The following PHACTR2 variants were observed in gnomAD, a reference collection of about 807,000 sequenced individuals.
PHACTR2 encodes the protein phosphatase and actin regulator 2.
Under a neutral mutation model 76.0 loss-of-function variants are expected in PHACTR2, and 30 were observed. The observed-to-expected ratio is 0.39, with a 90% CI of 0.30 to 0.54. PHACTR2 has a LOEUF of 0.54. Among genes scored for constraint, PHACTR2 ranks in the 20% least tolerant of loss-of-function variants. PHACTR2 has a pLI of 0.61. For synonymous variants in PHACTR2, 292 were observed against 292.5 expected (o/e 1.00, Z 0.02); for missense variants, 696 against 781.1 (o/e 0.89, Z 1.30).
At position 143,638,965 on chromosome 6, in the gene PHACTR2, G is replaced by A. The variant is rs187686792; in HGVS notation, c.13+30643G>A. Among the ~76,000 whole-genome samples the A allele has an allele frequency of 3.0e-3, 464 of 152,192 alleles. 5 individuals carry two copies. The highest frequency in any genetic ancestry group is 0.01 in the African/African-American group (430 of 41,498). On this transcript the variant is annotated intron_variant, in intron 1 of 11. Transcript: ENST00000305766. Reference sequence around the variant, plus strand: ...CTAAAAATTGTAATTTAGAGTGTTCGTAGCTTCCCCAAAACTATGAATGAC... The same window carrying A: ...CTAAAAATTGTAATTTAGAGTGTTCATAGCTTCCCCAAAACTATGAATGAC...
In PHACTR2 at chr6:143,730,210, TA is replaced by T. The variant is rs1181970469; in HGVS notation, c.214+18028del. Among the ~76,000 whole-genome samples, 2 of 152,132 alleles carry T rather than the reference TA, an allele frequency of 1.3e-5. No homozygotes were observed. Among genetic ancestry groups the T allele is most frequent in the Non-Finnish European group, 2.9e-5 (2 of 68,026 alleles). ...TATTGTTGAAAAATTACTGCTGGGG[TA>T]CTTTTTTTTGGCTAGGATTTTTATT... On this transcript the variant is annotated intron_variant, in intron 2 of 12. Transcript: ENST00000440869. The surrounding 1 kb of genome is among the most constrained non-coding windows in gnomAD (Gnocchi z 4.8).
Position 143,621,702 on chromosome 6 carries a change from C to T in PHACTR2, c.13+13380C>T, listed in dbSNP as rs957384241. On this transcript the variant is annotated intron_variant, in intron 1 of 11. Transcript: ENST00000305766. The surrounding 1 kb of genome is among the most constrained non-coding windows in gnomAD (Gnocchi z 4.1). ...GGGCATATCCATGAGCCTCACTTTC[C>T]TCATCTGTAGTTTAGGGTTGATTGT... Among the ~76,000 whole-genome samples the T allele has an allele frequency of 3.3e-5, 5 of 152,124 alleles. No individual in the cohort carries two copies. The highest frequency in any genetic ancestry group is 9.7e-5 in the African/African-American group (4 of 41,426).
intron 4 of PHACTR2, among the ~76,000 whole-genome samples, chr6:143,758,717 A>G (rs6931865): frequency 0.67 from 101,994 of 152,054 alleles, 34,312 homozygotes; most frequent in South Asian, 0.72. Context: ...AAGTTCAGAG[A>G]TAGAAGGGTC....
intron 1 of PHACTR2, among the ~76,000 whole-genome samples, chr6:143,538,297 C>A (rs953775571): frequency 1.2e-4 from 18 of 152,212 alleles, no homozygotes; most frequent in African/African-American, 4.3e-4. Context: ...TCTCAGTATT[C>A]AGAGTGGGAA....
intron 1 of PHACTR2, among the ~76,000 whole-genome samples, chr6:143,691,493 C>G (rs374979312): frequency 0.11 from 16,124 of 152,042 alleles, 1,936 homozygotes; most frequent in African/African-American, 0.3. Flanking sequence ...TTGCCAGAAA[C>G]CTGTTTGCTT....
At position 143,646,061 on chromosome 6, in the gene PHACTR2, T is replaced by C. The variant is rs912248633; in HGVS notation, c.13+37739T>C. The stretch of plus-strand genomic sequence containing the variant: ...AAGAATAATTATGCAGAGATAAACG[T>C]GTCAGAAACAATAGAATACTTTTTT... On this transcript the variant is annotated intron_variant, in intron 1 of 11. Transcript: ENST00000305766. This position sits in a 1 kb window ranked among gnomAD's most constrained non-coding sequence, Gnocchi z 4.1. Among the ~76,000 whole-genome samples the C allele has an allele frequency of 6.6e-6, 1 of 152,184 alleles. No homozygotes were observed.
chr6:143,690,760 T>C (rs1438210107), intron 1 of PHACTR2, among the ~76,000 whole-genome samples: 4 of 152,214 alleles, frequency 2.6e-5, no homozygotes, highest in African/African-American at 9.7e-5. Flanking sequence ...GTCTAAAAAA[T>C]ATTTTATGGA....
chr6:143,678,330 GA>G lies in PHACTR2; in HGVS notation c.46+122del, dbSNP rs1191761243. The G allele has an allele frequency of 2.2e-6, 2 of 898,306 alleles. No homozygotes were observed. Among genetic ancestry groups the G allele is most frequent in the African/African-American group, 3.6e-5 (2 of 56,136 alleles). 55.6% of individuals were successfully genotyped at this position (898,306 alleles called of 1,614,324 possible). On this transcript the variant is annotated intron_variant, in intron 1 of 12. Coordinates refer to ENST00000440869, the MANE Select transcript of PHACTR2 (RefSeq NM_001100164.2). The surrounding 1 kb of genome is among the most constrained non-coding windows in gnomAD (Gnocchi z 6.2). The stretch of plus-strand genomic sequence containing the variant: ...CCGCTCGGACCCGCCAAGTCCCTCG[GA>G]GAAACCCCAGAGGTAGCGCTCGCCA...
intron 10 of PHACTR2, among the ~76,000 whole-genome samples, chr6:143,786,267 C>T (rs188189865): frequency 7.9e-5 from 12 of 152,310 alleles, no homozygotes; most frequent in Non-Finnish European, 1.2e-4. Flanking sequence ...GGCAAAATGC[C>T]GCCATTCTTT....
rs1776100664 is a variant in PHACTR2 at position 143,618,713 on chromosome 6, A to C, written c.13+10391A>C. ...GCATGTCCCCTATTGCCATATTGCA[A>C]AGCCTCCTCCTTGTCTTAGCCTCAG... On this transcript the variant is annotated intron_variant, in intron 1 of 11. Transcript: ENST00000305766. The surrounding 1 kb of genome is among the most constrained non-coding windows in gnomAD (Gnocchi z 5.2). Among the ~76,000 whole-genome samples, 1 of 152,008 alleles carries C rather than the reference A, an allele frequency of 6.6e-6. No homozygotes were observed. Among genetic ancestry groups the C allele is most frequent in the South Asian group, 2.1e-4 (1 of 4,820 alleles).
At chr6:143,701,530 G>GAGTT (rs1364548230) in intron 1 of PHACTR2, among the ~76,000 whole-genome samples, 1 of 152,104 alleles carries the variant, frequency 6.6e-6, no homozygotes, top group Non-Finnish European at 1.5e-5. Context: ...GAGTTGAATT[G>GAGTT]AGTTACTACT....
Position 143,658,940 on chromosome 6 carries a change from C to A in PHACTR2, c.13+50618C>A, listed in dbSNP as rs1283946621. On this transcript the variant is annotated intron_variant, in intron 1 of 11. Transcript: ENST00000305766. The surrounding 1 kb of genome is among the most constrained non-coding windows in gnomAD (Gnocchi z 4.1). ...CTCTGAGGCTGAGGCAGGAGAATCG[C>A]TTGAACCCAGGAGGTGGAGGCTGAA... Among the ~76,000 whole-genome samples the A allele has an allele frequency of 6.6e-6, 1 of 151,692 alleles. No individual in the cohort carries two copies. The highest frequency in any genetic ancestry group is 6.6e-5 in the Admixed American group (1 of 15,222).
Position 143,689,588 on chromosome 6 carries a change from G to A in PHACTR2, c.46+11379G>A, listed in dbSNP as rs1398352946. 2.0e-5 allele frequency among the ~76,000 whole-genome samples: 3 copies of A among 152,052 alleles called. No homozygotes were observed. The highest frequency in any genetic ancestry group is 2.9e-5 in the Non-Finnish European group (2 of 67,992). On this transcript the variant is annotated intron_variant, in intron 1 of 12. Transcript: ENST00000440869. The surrounding 1 kb of genome is among the most constrained non-coding windows in gnomAD (Gnocchi z 4.4). ...CTACTGAGCTCACAGTATGGAAACC[G>A]AACACGTAGTTCTCTTTTTTACCCT... is the stretch of plus-strand genomic sequence containing the variant.
chr6:143,762,247 C>T lies in PHACTR2; in HGVS notation c.694+1607C>T, dbSNP rs778967144. Reference sequence around the variant, plus strand: ...AACTTCTCCACTTTCCCATTCTCCACGTGGTAGTGGCTCACTCTGAACTCA... The same window carrying T: ...AACTTCTCCACTTTCCCATTCTCCATGTGGTAGTGGCTCACTCTGAACTCA... On this transcript the variant is annotated intron_variant, in intron 5 of 12. Transcript: ENST00000440869. Among the ~76,000 whole-genome samples the T allele has an allele frequency of 3.3e-5, 5 of 152,198 alleles. No individual in the cohort carries two copies. The South Asian group carries it at 6.2e-4, about 19-fold the overall frequency.
In PHACTR2 at chr6:143,756,264, G is replaced by A. The variant is rs190564415; in HGVS notation, c.454+2352G>A. ...CCCAGGCCCCCTGGGCATTTCTGGG[G>A]CTCCTGAAGGCACCTGATTCTGCAG... On this transcript the variant is annotated intron_variant, in intron 4 of 12. Transcript: ENST00000440869. 1.6e-3 allele frequency among the ~76,000 whole-genome samples: 251 copies of A among 152,216 alleles called. 1 individual carries two copies. Among genetic ancestry groups the A allele is most frequent in the African/African-American group, 5.7e-3 (238 of 41,542 alleles).
At chr6:143,705,906 T>C (rs1168064614) in intron 1 of PHACTR2, among the ~76,000 whole-genome samples, 1 of 152,236 alleles carries the variant, frequency 6.6e-6, no homozygotes, top group Non-Finnish European at 1.5e-5. Context: ...GGAGTTAAGC[T>C]CCACTTTCTT....
chr6:143,656,718 G>T lies in PHACTR2; in HGVS notation c.13+48396G>T, dbSNP rs1033159951. Among the ~76,000 whole-genome samples, 1 of 152,114 alleles carries T rather than the reference G, an allele frequency of 6.6e-6. No homozygotes were observed. Among genetic ancestry groups the T allele is most frequent in the Non-Finnish European group, 1.5e-5 (1 of 68,024 alleles). On this transcript the variant is annotated intron_variant, in intron 1 of 11. Transcript: ENST00000305766. This position sits in a 1 kb window ranked among gnomAD's most constrained non-coding sequence, Gnocchi z 5.3. ...TATCAAGATTTTTCACCAGCCTCTG[G>T]AGTTATCACTGATTAGCAAAGCATT...
chr6:143,757,712 T>A lies in PHACTR2; in HGVS notation c.455-2689T>A, dbSNP rs375361444. On this transcript the variant is annotated intron_variant, in intron 4 of 12. Transcript: ENST00000440869. This position sits in a 1 kb window ranked among gnomAD's most constrained non-coding sequence, Gnocchi z 4.2. ...GTTTATATCATGTCTTCAGATCACATGGTAAGTGTAAAATATACAACTTGA... is the reference window on the plus strand; with the variant it reads ...GTTTATATCATGTCTTCAGATCACAAGGTAAGTGTAAAATATACAACTTGA... Among the ~76,000 whole-genome samples the A allele has an allele frequency of 1.3e-5, 2 of 152,214 alleles. No individual in the cohort carries two copies. The highest frequency in any genetic ancestry group is 1.3e-4 in the Admixed American group (2 of 15,286).
At chr6:143,687,508 G>A (rs184474345) in intron 1 of PHACTR2, among the ~76,000 whole-genome samples, 1 of 152,286 alleles carries the variant, frequency 6.6e-6, no homozygotes, top group Admixed American at 6.5e-5. Flanking sequence ...GATAGAAATA[G>A]TCTTAAGAAA....
Sources: allele counts gnomAD v4.1 joint callset (sites outside exome capture counted in the v4.1 genomes callset), GRCh38; gene constraint gnomAD v4.1.1; non-coding constraint Gnocchi (gnomAD v3.1); transcripts MANE v1.5; gene names NCBI Gene and HGNC (gene_info 2026-07-23, HGNC 2026-07-21).